ABCC9: variants seen among roughly 807,000 people sequenced by gnomAD.
The protein encoded by ABCC9 is ATP binding cassette subfamily C member 9, also known as ATP-binding cassette sub-family C member 9.
A neutral mutation model predicts 188.3 loss-of-function variants in ABCC9; 95 were observed. The observed-to-expected ratio is 0.50, with a 90% CI of 0.43 to 0.60. The LOEUF (loss-of-function observed/expected upper bound fraction) is 0.60. ABCC9 is among the 20% of genes least tolerant of loss of function. The probability of loss-of-function intolerance (pLI) is 0.00; values close to 1 mark genes in which losing one functional copy is unlikely to be tolerated. For synonymous variants in ABCC9, 659 were observed against 652.7 expected (o/e 1.01, Z -0.15); for missense variants, 1,102 against 1,876.3 (o/e 0.59, Z 7.62).
Position 21,936,640 on chromosome 12 carries a change from G to A in ABCC9, c.35C>T (p.Ser12Leu), listed in dbSNP as rs766371743. ...SLSFCGNNISSYNINDGVLQN... is the reference protein window; with the variant it reads ...SLSFCGNNISLYNINDGVLQN... ...TAGTACACCATCGTTGATATTATAT[G>A]AAGAAATGTTGTTACCACAAAATGA... Residue 12 changes from serine (S) to leucine (L), a missense_variant, in exon 3 of 40, where the codon TCA (serine) becomes TTA (leucine). Transcript: ENST00000261200. The A allele has an allele frequency of 9.3e-6, 15 of 1,611,140 alleles. No homozygotes were observed. The highest frequency in any genetic ancestry group is 4.0e-5 in the African/African-American group (3 of 74,850).
intron 16 of ABCC9, among the ~76,000 whole-genome samples, chr12:21,879,526 A>G (rs975332647): frequency 6.6e-6 from 1 of 152,188 alleles, no homozygotes; most frequent in Non-Finnish European, 1.5e-5. Context: ...AACTAGGTAA[A>G]GGTGGTGGTT....
chr12:21,936,712 GAGAA>G lies in ABCC9; in HGVS notation c.-20-22_-20-19del, dbSNP rs772442518. 58 of 1,568,320 alleles carry G rather than the reference GAGAA, an allele frequency of 3.7e-5. No homozygotes were observed. The African/African-American group carries it at 5.2e-4, about 14-fold the overall frequency. ...GGTTTACTCTAAAAGGGAGAGAAAT[GAGAA>G]AGAAAAATCCTCTTATTAGTAAACT... On this transcript the variant is annotated intron_variant, in intron 2 of 39. Coordinates refer to ENST00000261200, the MANE Select transcript of ABCC9 (RefSeq NM_020297.4).
chr12:21,809,379 G>A (rs1329931592), intron 37 of ABCC9, among the ~76,000 whole-genome samples: 2 of 152,130 alleles, frequency 1.3e-5, no homozygotes, highest in African/African-American at 2.4e-5. Context: ...AGAAAATTAT[G>A]TTATATAAAT....
intron 24 of ABCC9, 101 bp downstream of exon 24, chr12:21,851,996 A>G (rs1944992855): frequency 1.5e-6 from 2 of 1,340,882 alleles, no homozygotes; most frequent in Non-Finnish European, 2.1e-6. Context: ...TTATATTACA[A>G]AGTATTAAAT....
intron 22 of ABCC9, among the ~76,000 whole-genome samples, chr12:21,853,736 A>T (rs1253656220): frequency 6.6e-6 from 1 of 152,212 alleles, no homozygotes. Context: ...ACTGGAATGT[A>T]TCCTCAAACT....
At chr12:21,802,291 A>G (rs1941491387) in intron 39 of ABCC9, among the ~76,000 whole-genome samples, 1 of 152,210 alleles carries the variant, frequency 6.6e-6, no homozygotes, top group South Asian at 2.1e-4. Flanking sequence ...ACAAATAATA[A>G]ATGTCAACTA....
At chr12:21,814,518 G>T in intron 35 of ABCC9, 126 bp downstream of exon 35, 1 of 790,368 alleles carries the variant, frequency 1.3e-6, no homozygotes, top group Non-Finnish European at 2.2e-6. Flanking sequence ...TATCTGCCTT[G>T]AACCATGTGT....
At chr12:21,901,837 T>A (rs548979689) in intron 12 of ABCC9, among the ~76,000 whole-genome samples, 29 of 152,060 alleles carry the variant, frequency 1.9e-4, no homozygotes, top group Admixed American at 5.9e-4. Flanking sequence ...AGACTTAGAG[T>A]TCCACACAAT....
At chr12:21,872,174 T>C (rs1046959517) in intron 18 of ABCC9, among the ~76,000 whole-genome samples, 4 of 152,238 alleles carry the variant, frequency 2.6e-5, no homozygotes, top group Non-Finnish European at 5.9e-5. Context: ...AGTATAAGGA[T>C]AAATAGTTGA....
intron 3 of ABCC9, among the ~76,000 whole-genome samples, chr12:21,934,478 T>C (rs1230418500): frequency 2.6e-5 from 4 of 152,114 alleles, no homozygotes; most frequent in African/African-American, 9.7e-5. Context: ...GCTAAATTTC[T>C]TGATGATGAG....
chr12:21,822,135 A>G (rs1454504524), intron 31 of ABCC9, among the ~76,000 whole-genome samples: 2 of 152,186 alleles, frequency 1.3e-5, no homozygotes, highest in African/African-American at 4.8e-5. Context: ...ACTAAATTCA[A>G]ATAGATATTA....
chr12:21,870,556 G>T (rs1946018174), intron 18 of ABCC9, among the ~76,000 whole-genome samples: 1 of 152,120 alleles, frequency 6.6e-6, no homozygotes, highest in African/African-American at 2.4e-5. Context: ...CAGCTGGGCA[G>T]ATTTCTTTCA....
chr12:21,803,206 T>A (rs767696219), intron 39 of ABCC9, among the ~76,000 whole-genome samples: 7 of 152,080 alleles, frequency 4.6e-5, no homozygotes, highest in Admixed American at 1.3e-4. Flanking sequence ...AGCTATCCAA[T>A]AATATCTGCT....
Position 21,936,714 on chromosome 12 carries a change from G to A in ABCC9, c.-20-20C>T. On this transcript the variant is annotated intron_variant, in intron 2 of 39. Coordinates refer to ENST00000261200, the MANE Select transcript of ABCC9 (RefSeq NM_020297.4). ...TTTACTCTAAAAGGGAGAGAAATGAGAAAGAAAAATCCTCTTATTAGTAAA... is the reference window on the plus strand; with the variant it reads ...TTTACTCTAAAAGGGAGAGAAATGAAAAAGAAAAATCCTCTTATTAGTAAA... 1 of 1,559,110 alleles carries A rather than the reference G, an allele frequency of 6.4e-7. No individual in the cohort carries two copies. The highest frequency in any genetic ancestry group is 1.1e-5 in the South Asian group (1 of 88,132).
intron 12 of ABCC9, among the ~76,000 whole-genome samples, chr12:21,903,678 C>G (rs553567362): frequency 6.6e-6 from 1 of 152,266 alleles, no homozygotes; most frequent in Non-Finnish European, 1.5e-5. Flanking sequence ...CTCCCATTCA[C>G]AATTGCTACA....
At chr12:21,842,963 T>A (rs1658814766) in intron 28 of ABCC9, among the ~76,000 whole-genome samples, 1 of 152,178 alleles carries the variant, frequency 6.6e-6, no homozygotes, top group Non-Finnish European at 1.5e-5. Context: ...ATATATTATG[T>A]TTATTTAAAA....
At position 21,910,999 on chromosome 12, in the gene ABCC9, G is replaced by C. The variant is rs186980822; in HGVS notation, c.1012-21C>G. ...GAAATCTGGTCCCCAAAGAAAAAAA[G>C]TGTCATATTAAAACTCGTCTTTTTA... On this transcript the variant is annotated intron_variant, in intron 8 of 39. Transcript: ENST00000261200. 6.2e-5 allele frequency: 100 copies of C among 1,610,974 alleles called. No individual in the cohort carries two copies. The African/African-American group carries it at 1.1e-3, about 18-fold the overall frequency.
chr12:21,855,189 ACTGT>A (rs1208304077), intron 22 of ABCC9, among the ~76,000 whole-genome samples: 1 of 152,058 alleles, frequency 6.6e-6, no homozygotes, highest in African/African-American at 2.4e-5. Context: ...ATTCAATTTG[ACTGT>A]CCATAAAATT....
At chr12:21,906,098 G>T (rs372339501) in intron 12 of ABCC9, 28 bp downstream of exon 12, 26 of 1,610,336 alleles carry the variant, frequency 1.6e-5, no homozygotes, top group African/African-American at 4.0e-5. Flanking sequence ...CCTTAAAGTC[G>T]CCTGTTCTTA....
Sources: gnomAD v4.1 joint callset for allele counts (sites outside exome capture counted in the v4.1 genomes callset) on GRCh38, gnomAD v4.1.1 for gene constraint, MANE v1.5 for transcripts, NCBI Gene and HGNC (gene_info 2026-07-23, HGNC 2026-07-21) for gene names.